RASL12: variants seen among roughly 807,000 people sequenced by gnomAD.
RASL12 encodes ras-like protein family member 12.
A neutral mutation model predicts 22.9 loss-of-function variants in RASL12; 16 were observed. The observed-to-expected ratio is 0.70, with a 90% CI of 0.47 to 1.06. The LOEUF is 1.06. Ranked by LOEUF, RASL12 falls within the 50% of genes least tolerant of loss-of-function variation. The pLI is 0.00. For missense variants in RASL12, 306 were observed against 353.1 expected (o/e 0.87, Z 1.07); for synonymous variants, 159 against 152.2 (o/e 1.04, Z -0.33).
downstream of RASL12, chr15:65,050,234 G>A (rs1566950673): frequency 2.8e-6 from 2 of 724,208 alleles, no homozygotes; most frequent in South Asian, 3.6e-5. Flanking sequence ...GGAATCAGTC[G>A]GGGTGTCTCA....
Position 65,053,663 on chromosome 15 carries a change from C to G in RASL12, c.*1236G>C, listed in dbSNP as rs750918955. The G allele has an allele frequency of 3.8e-5, 38 of 989,100 alleles. No homozygotes were observed. The Middle Eastern group carries it at 2.1e-3, about 54-fold the overall frequency. 61.3% of individuals were successfully genotyped at this position (989,100 alleles called of 1,614,324 possible). ...GGAGCAGGCTTCCAGGCCCAGAATC[C>G]CCTTCCCAATCCTTCCACCCACCAG... On this transcript the variant is annotated 3_prime_UTR_variant, in exon 5 of 5. Coordinates refer to ENST00000220062, the MANE Select transcript of RASL12 (RefSeq NM_016563.4).
At chr15:65,061,379 C>A (rs1423564394) in intron 2 of RASL12, among the ~76,000 whole-genome samples, 1 of 152,220 alleles carries the variant, frequency 6.6e-6, no homozygotes, top group African/African-American at 2.4e-5. Flanking sequence ...CCAGAATCGC[C>A]CAGTCTGGTG....
Position 65,067,866 on chromosome 15 carries a change from C to T in RASL12, c.-31G>A. 3.4e-6 allele frequency: 5 copies of T among 1,451,970 alleles called. No individual in the cohort carries two copies. The highest frequency in any genetic ancestry group is 2.9e-5 in the South Asian group (2 of 69,680). 89.9% of individuals were successfully genotyped at this position (1,451,970 alleles called of 1,614,324 possible). Reference sequence around the variant, plus strand: ...CGCCCTGGACGGCCACGCAGGTCTGCGGCCGGTGGGCCCCGCGCAGTGCGC... The same window carrying T: ...CGCCCTGGACGGCCACGCAGGTCTGTGGCCGGTGGGCCCCGCGCAGTGCGC... On this transcript the variant is annotated 5_prime_UTR_variant, in exon 1 of 5. Transcript: ENST00000220062.
At chr15:65,076,373 C>T (rs2086969547) in intron 1 of RASL12, among the ~76,000 whole-genome samples, 1 of 152,064 alleles carries the variant, frequency 6.6e-6, no homozygotes, top group Admixed American at 6.5e-5. Context: ...TCCAGACACG[C>T]TGCCTTAAGA....
downstream of RASL12, among the ~76,000 whole-genome samples, chr15:65,048,807 G>A (rs2086608798): frequency 6.6e-6 from 1 of 152,090 alleles, no homozygotes; most frequent in Non-Finnish European, 1.5e-5. Flanking sequence ...TCAAGAGTTC[G>A]AGACCAGCCT....
rs144150654 is a variant in RASL12, at chr15:65,076,339, A to C, written c.70+190T>G. Among the ~76,000 whole-genome samples the C allele has an allele frequency of 1.6e-3, 241 of 152,328 alleles. 3 individuals are homozygous for C. Among genetic ancestry groups the C allele is most frequent in the African/African-American group, 5.3e-3 (222 of 41,560 alleles). Reference sequence around the variant, plus strand: ...CACTCCTGAGGCCAGCGAGACCACAAGCCCACTGGGAGGAACGAACAACTC... The same window carrying C: ...CACTCCTGAGGCCAGCGAGACCACACGCCCACTGGGAGGAACGAACAACTC... On this transcript the variant is annotated intron_variant, in intron 1 of 4. Transcript: ENST00000434605.
At chr15:65,064,897 G>GAAT (rs1202666743) in intron 2 of RASL12, among the ~76,000 whole-genome samples, 1 of 152,112 alleles carries the variant, frequency 6.6e-6, no homozygotes, top group East Asian at 1.9e-4. Context: ...CCCGGCCCAA[G>GAAT]AATAATACCT....
At position 65,053,432 on chromosome 15, in the gene RASL12, TACAC is replaced by T; in HGVS notation, c.*1463_*1466del. ...CAGATGGCAGTGGTACACACACACA[TACAC>T]ACACAAGTGGCCTGGAGCAAAAGTG... On this transcript the variant is annotated 3_prime_UTR_variant, in exon 5 of 5. Transcript: ENST00000220062. 1 of 1,250,918 alleles carries T rather than the reference TACAC, an allele frequency of 8.0e-7. No individual in the cohort carries two copies. The highest frequency in any genetic ancestry group is 1.0e-6 in the Non-Finnish European group (1 of 994,672). 77.5% of individuals were successfully genotyped at this position (1,250,918 alleles called of 1,614,324 possible).
intron 4 of RASL12, 50 bp downstream of exon 4, chr15:65,058,377 A>G: frequency 7.2e-7 from 1 of 1,394,918 alleles, no homozygotes; most frequent in Non-Finnish European, 9.4e-7. Context: ...CTGACCTTAC[A>G]AGTGAAGAAA....
intron 4 of RASL12, 95 bp downstream of exon 4, chr15:65,058,332 G>A (rs1414326839): frequency 7.8e-6 from 8 of 1,030,224 alleles, no homozygotes; most frequent in Non-Finnish European, 1.1e-5. Flanking sequence ...GGGGATGACT[G>A]TTCTTAGCAG....
At chr15:65,072,313 G>T (rs1009056583), upstream of RASL12, among the ~76,000 whole-genome samples, 44 of 152,336 alleles carry the variant, frequency 2.9e-4, 1 homozygote, top group South Asian at 2.1e-4. Flanking sequence ...TCACACAAGT[G>T]GTCCCCACAT....
chr15:65,059,300 C>T (rs1408207037), intron 3 of RASL12, 45 bp downstream of exon 3: 3 of 1,534,678 alleles, frequency 2.0e-6, no homozygotes, highest in South Asian at 2.2e-5. Flanking sequence ...TCTCAGGAGG[C>T]TATACTGACT....
upstream of RASL12, among the ~76,000 whole-genome samples, chr15:65,071,777 G>C (rs2086933777): frequency 6.6e-6 from 1 of 152,088 alleles, no homozygotes; most frequent in Non-Finnish European, 1.5e-5. Context: ...GGGAACTGTA[G>C]TCCCGGGACT....
chr15:65,076,577 A>G (rs1263978646), exon 1 of RASL12: 1 of 702,942 alleles, frequency 1.4e-6, no homozygotes, highest in Non-Finnish European at 2.6e-6. Context: ...GAACCCACCA[A>G]TTCTGGACCC....
chr15:65,065,389 C>T, intron 1 of RASL12, 116 bp from the exon 2 acceptor site: 1 of 947,822 alleles, frequency 1.1e-6, no homozygotes, highest in Non-Finnish European at 1.6e-6. Context: ...CCAAGCTCAG[C>T]TCTCCCAGAG....
At chr15:65,051,480 T>C (rs560215043), downstream of RASL12, 1 of 1,604,682 alleles carries the variant, frequency 6.2e-7, no homozygotes, top group East Asian at 2.2e-5. Context: ...TGCCTGGCCA[T>C]TCCTCAGGGC....
downstream of RASL12, among the ~76,000 whole-genome samples, chr15:65,050,603 T>C (rs1250251872): frequency 6.6e-6 from 1 of 152,146 alleles, no homozygotes; most frequent in Non-Finnish European, 1.5e-5. Context: ...TGCAGGAAAC[T>C]AAGGAAATAA....
At chr15:65,074,797 A>T (rs1410201275) in intron 1 of RASL12, among the ~76,000 whole-genome samples, 1 of 152,258 alleles carries the variant, frequency 6.6e-6, no homozygotes, top group Non-Finnish European at 1.5e-5. Context: ...AGCAGCCCTC[A>T]GTGCGCCCGC....
At chr15:65,050,830 C>CTTTTTTTTTTTTTTTTTTTTTTT (rs1206139825), downstream of RASL12, among the ~76,000 whole-genome samples, 8 of 48,530 alleles carry the variant, frequency 1.6e-4, no homozygotes, top group African/African-American at 4.3e-4. Context: ...CTTTCTTCTT[C>CTTTTTTTTTTTTTTTTTTTTTTT]TTCTTCTTTT....
Sources: allele counts gnomAD v4.1 joint callset (sites outside exome capture counted in the v4.1 genomes callset), GRCh38; gene constraint gnomAD v4.1.1; transcripts MANE v1.5; gene names NCBI Gene and HGNC (gene_info 2026-07-23, HGNC 2026-07-21).